The following ERI3 variants were observed in gnomAD, a reference collection of about 807,000 sequenced individuals.
ERI3 encodes ERI1 exoribonuclease 3.
In ERI3, 18 loss-of-function variants were observed where a neutral mutation model predicts 44.4. The observed-to-expected ratio is 0.41, with a 90% confidence interval of 0.28 to 0.60. The LOEUF (loss-of-function observed/expected upper bound fraction) is 0.60, where lower values mean the gene tolerates loss of function less well. Ranked by LOEUF, ERI3 falls within the 20% of genes least tolerant of loss-of-function variation. The probability of loss-of-function intolerance (pLI) is 0.36; values close to 1 mark genes in which losing one functional copy is unlikely to be tolerated. For synonymous variants in ERI3, 183 were observed against 164.8 expected, an observed-to-expected ratio of 1.11 and a Z score of -0.84; for missense variants, 294 against 435.5, an observed-to-expected ratio of 0.68 and a Z score of 2.89.
chr1:44,254,923 C>G (rs192917951), intron 7 of ERI3, among the ~76,000 whole-genome samples: 137 of 151,688 alleles, frequency 9.0e-4, no homozygotes, highest in Admixed American at 1.5e-3. Context: ...AAATCCTTAA[C>G]CTCCTCTTCT....
chr1:44,257,284 C>T (rs1644801210), intron 7 of ERI3, among the ~76,000 whole-genome samples: 1 of 152,180 alleles, frequency 6.6e-6, no homozygotes, highest in African/African-American at 2.4e-5. Flanking sequence ...TATGGAAATT[C>T]AGTTAAGGCA....
chr1:44,350,081 A>G (rs1646858833), intron 2 of ERI3, among the ~76,000 whole-genome samples: 2 of 152,190 alleles, frequency 1.3e-5, no homozygotes, highest in Non-Finnish European at 2.9e-5. Context: ...GAGAAACCAA[A>G]TAGGACATAT....
At chr1:44,256,097 A>G (rs1033956820) in intron 7 of ERI3, among the ~76,000 whole-genome samples, 3 of 152,038 alleles carry the variant, frequency 2.0e-5, no homozygotes, top group African/African-American at 7.3e-5. Context: ...GCTGTCTCTG[A>G]GTGGTCTCCA....
In ERI3 at chr1:44,221,582, G is replaced by A. The variant is rs1297837178; in HGVS notation, c.990C>T (p.Phe330=). The part of the protein sequence containing the change: ...MKTLAYRGFI[F]KQTSKPF ...ATCAGAACGGCTTCGATGTCTGCTT[G>A]AAGATGAAGCCTCGATAGGCGAGTG... is the stretch of plus-strand genomic sequence containing the variant. The change falls in exon 9 of 9, where the codon TTC becomes TTT. Residue 330 remains phenylalanine, a synonymous_variant. Coordinates refer to ENST00000372257, the MANE Select transcript of ERI3 (RefSeq NM_024066.3). This position sits in a 1 kb window ranked among gnomAD's most constrained non-coding sequence, Gnocchi z 5.9. 1.2e-6 allele frequency: 2 copies of A among 1,614,070 alleles called. No homozygotes were observed. Among genetic ancestry groups the A allele is most frequent in the African/African-American group, 2.7e-5 (2 of 74,934 alleles).
At position 44,308,523 on chromosome 1, in the gene ERI3, C is replaced by T. The variant is rs966549115; in HGVS notation, c.667-122G>A. ...GAACAGGAGAAAATTGTAATCTTAT[C>T]CAGCCATGGCTCCACTGTGGGCTCT... On this transcript the variant is annotated intron_variant, in intron 5 of 8. Transcript: ENST00000372257. 7.5e-6 allele frequency: 6 copies of T among 797,640 alleles called. No homozygotes were observed. The African/African-American group carries it at 8.4e-5, about 11-fold the overall frequency. 49.4% of individuals were successfully genotyped at this position (797,640 alleles called of 1,614,324 possible). A position where few individuals can be genotyped will look rare whatever the true frequency, so the allele number is the denominator to read the frequency against.
rs112961246 is a variant in ERI3, at chr1:44,297,132, G to C, written c.758+11178C>G. On this transcript the variant is annotated intron_variant, in intron 6 of 8. Coordinates refer to ENST00000372257, the MANE Select transcript of ERI3 (RefSeq NM_024066.3). ...CCTGTCAGGCTCCCGGGATTCTCTGGGCTGGCTGGCTTTCTTCCCCAAACC... is the reference window on the plus strand; with the variant it reads ...CCTGTCAGGCTCCCGGGATTCTCTGCGCTGGCTGGCTTTCTTCCCCAAACC... Among the ~76,000 whole-genome samples, 220 of 152,166 alleles carry C rather than the reference G, an allele frequency of 1.4e-3. 1 individual carries two copies. Among genetic ancestry groups the C allele is most frequent in the South Asian group, 0.013 (61 of 4,820 alleles).
intron 3 of ERI3, among the ~76,000 whole-genome samples, chr1:44,331,622 T>C (rs946422448): frequency 1.3e-5 from 2 of 152,224 alleles, no homozygotes; most frequent in Non-Finnish European, 2.9e-5. Flanking sequence ...AAAACTGATA[T>C]AGATAATCCA....
At position 44,241,893 on chromosome 1, in the gene ERI3, C is replaced by T. The variant is rs12119197; in HGVS notation, c.931+6046G>A. On this transcript the variant is annotated intron_variant, in intron 8 of 8. Transcript: ENST00000372257. This position sits in a 1 kb window ranked among gnomAD's most constrained non-coding sequence, Gnocchi z 5.6. Reference sequence around the variant, plus strand: ...ATCCATCTGTCCATCAACTCACCCACCCATCTAGTCCATCAACTCACCCAT... The same window carrying T: ...ATCCATCTGTCCATCAACTCACCCATCCATCTAGTCCATCAACTCACCCAT... 1.1e-6 allele frequency: 1 copy of T among 945,776 alleles called. No homozygotes were observed. Among genetic ancestry groups the T allele is most frequent in the African/African-American group, 1.8e-5 (1 of 56,458 alleles). The allele number at this position is 945,776 out of a possible 1,614,324, so 58.6% of individuals were successfully genotyped here.
Position 44,333,331 on chromosome 1 carries a change from G to A in ERI3, c.489+5714C>T, listed in dbSNP as rs548271554. On this transcript the variant is annotated intron_variant, in intron 3 of 8. Transcript: ENST00000372257. ...TTAGAAGAATAGCGTCAGCGCCTTC[G>A]CCTGTCTGTACAGAAAAAAGTACAT... is the stretch of plus-strand genomic sequence containing the variant. 5.3e-5 allele frequency among the ~76,000 whole-genome samples: 8 copies of A among 152,302 alleles called. No homozygotes were observed. In the East Asian group the frequency reaches 7.7e-4, roughly 15 times the overall value.
chr1:44,249,037 CTT>C (rs1397392472), intron 7 of ERI3, among the ~76,000 whole-genome samples: 1 of 152,142 alleles, frequency 6.6e-6, no homozygotes, highest in African/African-American at 2.4e-5. Context: ...AAAGAAGAGA[CTT>C]AACATAGGTT....
In ERI3 at chr1:44,235,823, G is replaced by A. The variant is rs1215641651; in HGVS notation, c.931+12116C>T. On this transcript the variant is annotated intron_variant, in intron 8 of 8. Transcript: ENST00000372257. The surrounding 1 kb of genome is among the most constrained non-coding windows in gnomAD (Gnocchi z 4.6). ...CTGTCCTGCAAACCCAGGCAGTCAAGGGTGGCAGTGGTGGTGCTGGGGCGC... is the reference window on the plus strand; with the variant it reads ...CTGTCCTGCAAACCCAGGCAGTCAAAGGTGGCAGTGGTGGTGCTGGGGCGC... 1.3e-5 allele frequency among the ~76,000 whole-genome samples: 2 copies of A among 152,174 alleles called. No homozygotes were observed. The highest frequency in any genetic ancestry group is 2.4e-5 in the African/African-American group (1 of 41,458).
rs1644092573 is a variant in ERI3, at chr1:44,228,251, C to T, written c.932-6611G>A. On this transcript the variant is annotated intron_variant, in intron 8 of 8. Transcript: ENST00000372257. This position sits in a 1 kb window ranked among gnomAD's most constrained non-coding sequence, Gnocchi z 4.3. ...AGCCCCTCCCCTCAGCCCCCTCCAC[C>T]CCACCGAGGTGCCTGGAGGTGCCAC... Among the ~76,000 whole-genome samples, 1 of 152,148 alleles carries T rather than the reference C, an allele frequency of 6.6e-6. No individual in the cohort carries two copies. The highest frequency in any genetic ancestry group is 1.5e-5 in the Non-Finnish European group (1 of 68,032).
intron 6 of ERI3, among the ~76,000 whole-genome samples, chr1:44,295,899 T>C (rs970561230): frequency 2.0e-5 from 3 of 152,236 alleles, no homozygotes; most frequent in African/African-American, 7.2e-5. Context: ...CCTGGCTTCC[T>C]GTAGCCTGTA....
chr1:44,332,155 C>T (rs1032086997), intron 3 of ERI3, among the ~76,000 whole-genome samples: 1 of 152,288 alleles, frequency 6.6e-6, no homozygotes, highest in Admixed American at 6.5e-5. Context: ...CCTTTGCTGA[C>T]TTAGGCGGTT....
At chr1:44,297,274 A>G (rs1645629934) in intron 6 of ERI3, among the ~76,000 whole-genome samples, 1 of 151,960 alleles carries the variant, frequency 6.6e-6, no homozygotes, top group Non-Finnish European at 1.5e-5. Context: ...TGCCCTTCCC[A>G]AAGCCCTACA....
Position 44,317,910 on chromosome 1 carries a change from G to A in ERI3, c.606+1718C>T, listed in dbSNP as rs942766137. Among the ~76,000 whole-genome samples the A allele has an allele frequency of 4.6e-5, 7 of 152,316 alleles. No individual in the cohort carries two copies. In the South Asian group the frequency reaches 1.2e-3, roughly 27 times the overall value. ...AAAAGGATGGACAAGATCATGGCGA[G>A]TTTTGAGCTCTGGAAACCTGAGACA... is the stretch of plus-strand genomic sequence containing the variant. On this transcript the variant is annotated intron_variant, in intron 4 of 8. Transcript: ENST00000372257.
At chr1:44,275,083 TC>T (rs746455017) in intron 7 of ERI3, among the ~76,000 whole-genome samples, 221 of 151,842 alleles carry the variant, frequency 1.5e-3, no homozygotes, top group South Asian at 2.5e-3. Context: ...GTGCAAACTC[TC>T]CCCCTCTCCA....
chr1:44,316,275 TCA>T (rs1008439268), intron 4 of ERI3, among the ~76,000 whole-genome samples: 12 of 152,164 alleles, frequency 7.9e-5, no homozygotes, highest in African/African-American at 2.7e-4. Flanking sequence ...TAAACAGAGC[TCA>T]GAGACCTTAG....
chr1:44,231,305 T>C (rs1644178080), intron 8 of ERI3, among the ~76,000 whole-genome samples: 1 of 152,130 alleles, frequency 6.6e-6, no homozygotes, highest in African/African-American at 2.4e-5. Context: ...TTTCACTCAC[T>C]GAAACCTTAA....
Sources: allele counts gnomAD v4.1 joint callset (sites outside exome capture counted in the v4.1 genomes callset), GRCh38; gene constraint gnomAD v4.1.1; non-coding constraint Gnocchi (gnomAD v3.1); transcripts MANE v1.5; gene names NCBI Gene and HGNC (gene_info 2026-07-23, HGNC 2026-07-21).